PRKN: variants seen among roughly 807,000 people sequenced by gnomAD.
PRKN encodes the protein parkin RBR E3 ubiquitin protein ligase, also known as E3 ubiquitin-protein ligase parkin.
A neutral mutation model predicts 59.5 loss-of-function variants in PRKN; 56 were observed. The observed-to-expected ratio is 0.94, with a 90% CI of 0.76 to 1.18. PRKN has a LOEUF of 1.18. Among genes scored for constraint, PRKN ranks in the 50% most tolerant of loss-of-function variants. The probability of loss-of-function intolerance (pLI) is 0.00; values close to 1 mark genes in which losing one functional copy is unlikely to be tolerated. For missense variants in PRKN, 657 were observed against 596.4 expected, an observed-to-expected ratio of 1.10 and a Z score of -1.06; for synonymous variants, 250 against 222.1, an observed-to-expected ratio of 1.13 and a Z score of -1.12.
In PRKN at chr6:161,405,011, T is replaced by C. The variant is rs182648434; in HGVS notation, c.1084-18134A>G. Among the ~76,000 whole-genome samples the C allele has an allele frequency of 1.1e-4, 17 of 152,338 alleles. No individual in the cohort carries two copies. The highest frequency in any genetic ancestry group is 1.1e-3 in the Admixed American group (17 of 15,298). The stretch of plus-strand genomic sequence containing the variant: ...CTGGGATGGTCTGATATACGTTTAA[T>C]GTTTTATATTTTCATTGAAGGCAGG... On this transcript the variant is annotated intron_variant, in intron 9 of 11. Coordinates refer to ENST00000366898, the MANE Select transcript of PRKN (RefSeq NM_004562.3). This position sits in a 1 kb window ranked among gnomAD's most constrained non-coding sequence, Gnocchi z 5.1.
intron 1 of PRKN, among the ~76,000 whole-genome samples, chr6:162,612,335 C>T (rs1782222764): frequency 6.6e-6 from 1 of 151,914 alleles, no homozygotes; most frequent in Non-Finnish European, 1.5e-5. Context: ...CTAGTCAGGG[C>T]TGTCCTAGGA....
intron 2 of PRKN, among the ~76,000 whole-genome samples, chr6:162,399,281 TG>T (rs1335561483): frequency 6.6e-6 from 1 of 152,084 alleles, no homozygotes; most frequent in South Asian, 2.1e-4. Context: ...AAAATCAGAA[TG>T]GGGTAAACCA....
rs146948035 is a variant in PRKN, at chr6:161,584,896, C to T, written c.872-15480G>A. The stretch of plus-strand genomic sequence containing the variant: ...AATTAAACAGCACAAGCCTGGCTGC[C>T]GGGATGGCTGTATTAGCAATGCAGT... On this transcript the variant is annotated intron_variant, in intron 7 of 11. Transcript: ENST00000366898. This position sits in a 1 kb window ranked among gnomAD's most constrained non-coding sequence, Gnocchi z 4.8. 5.9e-5 allele frequency among the ~76,000 whole-genome samples: 9 copies of T among 152,156 alleles called. No homozygotes were observed. Among genetic ancestry groups the T allele is most frequent in the South Asian group, 2.1e-4 (1 of 4,830 alleles).
Position 161,579,655 on chromosome 6 carries a change from T to C in PRKN, c.872-10239A>G, listed in dbSNP as rs1054266457. ...AATATAAGTCATCGGACTTTAGGAATTGATGCAATTCCTTAAATGGAGGAA... is the reference window on the plus strand; with the variant it reads ...AATATAAGTCATCGGACTTTAGGAACTGATGCAATTCCTTAAATGGAGGAA... On this transcript the variant is annotated intron_variant, in intron 7 of 11. Coordinates refer to ENST00000366898, the MANE Select transcript of PRKN (RefSeq NM_004562.3). This position sits in a 1 kb window ranked among gnomAD's most constrained non-coding sequence, Gnocchi z 4.2. Among the ~76,000 whole-genome samples the C allele has an allele frequency of 5.5e-4, 83 of 152,076 alleles. No homozygotes were observed. Among genetic ancestry groups the C allele is most frequent in the African/African-American group, 2.0e-3 (83 of 41,414 alleles).
chr6:161,616,219 G>A (rs777849499), intron 7 of PRKN, among the ~76,000 whole-genome samples: 17 of 152,166 alleles, frequency 1.1e-4, no homozygotes, highest in Non-Finnish European at 2.1e-4. Flanking sequence ...GCAGCTCAGA[G>A]TAAAAGGTAT....
At chr6:162,183,854 GT>G (rs1273881992) in intron 4 of PRKN, among the ~76,000 whole-genome samples, 2 of 152,102 alleles carry the variant, frequency 1.3e-5, no homozygotes, top group African/African-American at 4.8e-5. Flanking sequence ...TTTCTTCCTA[GT>G]TTTAGAAAAA....
chr6:161,672,040 CAATGAT>C (rs1479784942), intron 7 of PRKN, among the ~76,000 whole-genome samples: 3 of 152,144 alleles, frequency 2.0e-5, no homozygotes, highest in Non-Finnish European at 4.4e-5. Flanking sequence ...GTTTAAGCAG[CAATGAT>C]ATGTCATGCC....
chr6:161,647,161 G>A (rs190087894), intron 7 of PRKN, among the ~76,000 whole-genome samples: 2 of 152,300 alleles, frequency 1.3e-5, no homozygotes, highest in African/African-American at 2.4e-5. Context: ...GTGTAACCCA[G>A]AGTGATTCAC....
intron 2 of PRKN, 39 bp downstream of exon 2, chr6:162,443,271 C>T (rs577768538): frequency 3.1e-6 from 5 of 1,606,096 alleles, no homozygotes; most frequent in Non-Finnish European, 4.3e-6. Context: ...AGCAATGGAG[C>T]TGGCGGCATC....
chr6:162,210,222 C>G (rs1190579784), intron 3 of PRKN, among the ~76,000 whole-genome samples: 1 of 152,100 alleles, frequency 6.6e-6, no homozygotes, highest in Non-Finnish European at 1.5e-5. Context: ...GCCCTCAATG[C>G]CTGTTCTCTC....
intron 9 of PRKN, among the ~76,000 whole-genome samples, chr6:161,489,488 G>A (rs1403593524): frequency 6.6e-6 from 1 of 152,124 alleles, no homozygotes; most frequent in Non-Finnish European, 1.5e-5. Context: ...GAACTCCGGA[G>A]GGCAGAGGTT....
intron 1 of PRKN, among the ~76,000 whole-genome samples, chr6:162,650,525 G>C (rs941775484): frequency 1.2e-4 from 18 of 148,066 alleles, no homozygotes; most frequent in African/African-American, 3.7e-4. Flanking sequence ...GTGACCCCGG[G>C]AGGCGGAGCT....
At chr6:161,986,686 C>T (rs1192038583) in intron 5 of PRKN, among the ~76,000 whole-genome samples, 1 of 151,958 alleles carries the variant, frequency 6.6e-6, no homozygotes, top group South Asian at 2.1e-4. Flanking sequence ...GAGCTTCTGT[C>T]ACCTACATAT....
In PRKN at chr6:162,492,731, CAGG is replaced by C. The variant is rs546435581; in HGVS notation, c.8-49261_8-49259del. On this transcript the variant is annotated intron_variant, in intron 1 of 11. Transcript: ENST00000366898. ...CTTTGGGAGGCCAAGGTGGGTGGAT[CAGG>C]AGGTCAGGAGATCCAGACCATACTG... is the stretch of plus-strand genomic sequence containing the variant. Among the ~76,000 whole-genome samples the C allele has an allele frequency of 5.6e-3, 851 of 152,168 alleles. 1 individual carries two copies. The highest frequency in any genetic ancestry group is 9.1e-3 in the African/African-American group (378 of 41,528).
intron 6 of PRKN, among the ~76,000 whole-genome samples, chr6:161,875,060 T>TATA (rs1348169847): frequency 6.7e-5 from 8 of 120,288 alleles, no homozygotes; most frequent in Middle Eastern, 4.1e-3. Context: ...ATATAAAGTA[T>TATA]ATACATTATA....
At chr6:161,639,873 T>C (rs1338161439) in intron 7 of PRKN, among the ~76,000 whole-genome samples, 2 of 152,190 alleles carry the variant, frequency 1.3e-5, no homozygotes, top group African/African-American at 4.8e-5. Context: ...TACCACCCCA[T>C]CAAATTCTGC....
Position 161,569,345 on chromosome 6 carries a change from G to A in PRKN, c.933+10C>T. ...GACAGTCTGATGCAGCCTTTGAGAT[G>A]CTCACTCACCTGCTCTTCTCCCAGA... On this transcript the variant is annotated intron_variant, in intron 8 of 11. Transcript: ENST00000366898. 1 of 1,610,384 alleles carries A rather than the reference G, an allele frequency of 6.2e-7. No individual in the cohort carries two copies. The highest frequency in any genetic ancestry group is 1.1e-5 in the South Asian group (1 of 90,982).
chr6:161,356,080 C>T lies in PRKN; in HGVS notation c.1285+4008G>A, dbSNP rs1784735319. ...TTCGTTAGTGGGTTGGGTATTATGA[C>T]CAACCAGTAGTCATGGGACATGAGC... On this transcript the variant is annotated intron_variant, in intron 11 of 11. Transcript: ENST00000366898. This position sits in a 1 kb window ranked among gnomAD's most constrained non-coding sequence, Gnocchi z 7.8. Among the ~76,000 whole-genome samples, 3 of 152,156 alleles carry T rather than the reference C, an allele frequency of 2.0e-5. No homozygotes were observed. Among genetic ancestry groups the T allele is most frequent in the Non-Finnish European group, 4.4e-5 (3 of 68,032 alleles).
At chr6:162,634,475 C>T (rs1376245739) in intron 1 of PRKN, among the ~76,000 whole-genome samples, 1 of 152,144 alleles carries the variant, frequency 6.6e-6, no homozygotes, top group Non-Finnish European at 1.5e-5. Flanking sequence ...TCACTTCCCA[C>T]AGTAAGGATA....
Sources: gnomAD v4.1 joint callset for allele counts (sites outside exome capture counted in the v4.1 genomes callset) on GRCh38, gnomAD v4.1.1 for gene constraint, Gnocchi (gnomAD v3.1) non-coding constraint, MANE v1.5 for transcripts, NCBI Gene and HGNC (gene_info 2026-07-23, HGNC 2026-07-21) for gene names.